The following AR variants were observed in gnomAD, a reference collection of about 807,000 sequenced individuals.
The protein encoded by AR is androgen receptor.
A neutral mutation model predicts 53.9 loss-of-function variants in AR; 8 were observed. The ratio of observed to expected loss-of-function variants is 0.15; its 90% CI spans 0.09 to 0.27. The LOEUF (loss-of-function observed/expected upper bound fraction) is 0.27. Among genes scored for constraint, AR ranks in the 10% least tolerant of loss-of-function variants. The probability of loss-of-function intolerance (pLI) is 1.00; values close to 1 mark genes in which losing one functional copy is unlikely to be tolerated. For missense variants in AR, 639 were observed against 742.5 expected (o/e 0.86, Z 1.62); for synonymous variants, 359 against 316.4 (o/e 1.13, Z -1.43).
rs750399558 is a variant in AR at position 67,659,212 on chromosome X, A to G, written c.1768+15805A>G. On this transcript the variant is annotated intron_variant, in intron 2 of 7. Coordinates refer to ENST00000374690, the MANE Select transcript of AR (RefSeq NM_000044.6). The stretch of plus-strand genomic sequence containing the variant: ...AGTTCCTTGTCCTCATTGAGACTCA[A>G]TTTCTCTTACTTTTTTTTTTATACT... 1.5e-3 allele frequency among the ~76,000 whole-genome samples: 165 copies of G among 110,034 alleles called. 1 individual carries two copies. The highest frequency in any genetic ancestry group is 5.3e-3 in the African/African-American group (160 of 30,118).
rs1927147831 is a variant in AR, at chrX:67,664,560, T to G, written c.1768+21153T>G. On this transcript the variant is annotated intron_variant, in intron 2 of 7. Transcript: ENST00000374690. ...TGCCTCCCAGTTAGGCTACTCGGGGTTCAGGGAACCACTTGAGGAGGCAGT... is the reference window on the plus strand; with the variant it reads ...TGCCTCCCAGTTAGGCTACTCGGGGGTCAGGGAACCACTTGAGGAGGCAGT... Among the ~76,000 whole-genome samples, 9 of 111,793 alleles carry G rather than the reference T, an allele frequency of 8.1e-5. No homozygotes were observed. In the South Asian group the frequency reaches 3.4e-3, roughly 42 times the overall value.
chrX:67,637,538 C>T (rs1056237961), intron 1 of AR, among the ~76,000 whole-genome samples: 11 of 108,353 alleles, frequency 1.0e-4, no homozygotes, highest in South Asian at 4.2e-4. Flanking sequence ...TAGTATTCCA[C>T]GGTGTATATG....
At chrX:67,594,554 A>C (rs1489117409) in intron 1 of AR, among the ~76,000 whole-genome samples, 3 of 112,271 alleles carry the variant, frequency 2.7e-5, no homozygotes, top group Non-Finnish European at 3.8e-5. Context: ...AAAATTTACT[A>C]TACAAATTTT....
intron 2 of AR, among the ~76,000 whole-genome samples, chrX:67,650,075 G>A (rs1926260852): frequency 8.9e-6 from 1 of 111,915 alleles, no homozygotes; most frequent in Admixed American, 9.5e-5. Context: ...CAAACAAAAG[G>A]AGAAACATTC....
At position 67,690,587 on chromosome X, in the gene AR, C is replaced by T. The variant is rs770979388; in HGVS notation, c.1885+4461C>T. Among the ~76,000 whole-genome samples the T allele has an allele frequency of 4.5e-5, 5 of 112,110 alleles. No individual in the cohort carries two copies. The South Asian group carries it at 1.1e-3, about 25-fold the overall frequency. On this transcript the variant is annotated intron_variant, in intron 3 of 7. Coordinates refer to ENST00000374690, the MANE Select transcript of AR (RefSeq NM_000044.6). Reference sequence around the variant, plus strand: ...TCCTTCCAGCCAGCCAAGAAGTTCACGCTTTCATCTTTTCATCCATTTACT... The same window carrying T: ...TCCTTCCAGCCAGCCAAGAAGTTCATGCTTTCATCTTTTCATCCATTTACT...
intron 1 of AR, among the ~76,000 whole-genome samples, chrX:67,607,665 G>A (rs1923692186): frequency 8.9e-6 from 1 of 112,074 alleles, no homozygotes; most frequent in Non-Finnish European, 1.9e-5. Context: ...TTTAAAGTGT[G>A]ATTCAAATGT....
chrX:67,580,523 G>A (rs1342297363), intron 1 of AR, among the ~76,000 whole-genome samples: 3 of 111,303 alleles, frequency 2.7e-5, no homozygotes, highest in East Asian at 2.8e-4. Flanking sequence ...AAAGTTGTTC[G>A]CTAGTTACTC....
intron 2 of AR, among the ~76,000 whole-genome samples, chrX:67,652,428 C>G (rs953045021): frequency 8.9e-6 from 1 of 112,148 alleles, no homozygotes; most frequent in Non-Finnish European, 1.9e-5. Context: ...GTGTTCAAAA[C>G]TGCAGTATCT....
chrX:67,657,152 AT>A (rs758331663), intron 2 of AR, among the ~76,000 whole-genome samples: 31 of 111,284 alleles, frequency 2.8e-4, no homozygotes, highest in African/African-American at 9.8e-4. Flanking sequence ...AATTTATTTC[AT>A]TTTTTATTCC....
At chrX:67,562,777 C>CA (rs1188926991) in intron 1 of AR, among the ~76,000 whole-genome samples, 1 of 111,357 alleles carries the variant, frequency 9.0e-6, no homozygotes, top group African/African-American at 3.3e-5. Flanking sequence ...CTAGCACGGC[C>CA]ACATAACATA....
At chrX:67,678,559 G>T (rs2075914346) in intron 2 of AR, among the ~76,000 whole-genome samples, 1 of 111,629 alleles carries the variant, frequency 9.0e-6, no homozygotes, top group Non-Finnish European at 1.9e-5. Flanking sequence ...AGGTTCAGGG[G>T]TTCATGTGCA....
intron 1 of AR, among the ~76,000 whole-genome samples, chrX:67,558,348 A>G (rs1294200135): frequency 8.9e-6 from 1 of 112,210 alleles, no homozygotes; most frequent in Non-Finnish European, 1.9e-5. Context: ...AACTTTAGGA[A>G]GCAGGCCTAG....
intron 1 of AR, among the ~76,000 whole-genome samples, chrX:67,588,241 A>C (rs1030336576): frequency 8.9e-6 from 1 of 112,058 alleles, no homozygotes; most frequent in Non-Finnish European, 1.9e-5. Flanking sequence ...GGGTGAGTAG[A>C]CCAGGCTCAG....
At chrX:67,607,638 G>T (rs1923690829) in intron 1 of AR, among the ~76,000 whole-genome samples, 1 of 112,045 alleles carries the variant, frequency 8.9e-6, no homozygotes, top group Non-Finnish European at 1.9e-5. Context: ...TGGGATAATG[G>T]ATTTGTAAGC....
Position 67,566,134 on chromosome X carries a change from A to T in AR, c.1616+19372A>T, listed in dbSNP as rs773063369. On this transcript the variant is annotated intron_variant, in intron 1 of 7. Coordinates refer to ENST00000374690, the MANE Select transcript of AR (RefSeq NM_000044.6). The stretch of plus-strand genomic sequence containing the variant: ...AAGATTTGTTTTATCACTTGTGAAA[A>T]TTTTTTTTCATTCTTAGCAATGTCA... 8.0e-5 allele frequency among the ~76,000 whole-genome samples: 9 copies of T among 111,964 alleles called. No individual in the cohort carries two copies. In the South Asian group the frequency reaches 3.3e-3, roughly 41 times the overall value.
intron 2 of AR, among the ~76,000 whole-genome samples, chrX:67,667,217 T>G (rs1475725928): frequency 8.9e-6 from 1 of 112,007 alleles, no homozygotes; most frequent in African/African-American, 3.2e-5. Flanking sequence ...CTTTAATATG[T>G]TTTGATTTTA....
At chrX:67,659,096 T>C (rs927070857) in intron 2 of AR, among the ~76,000 whole-genome samples, 17 of 110,981 alleles carry the variant, frequency 1.5e-4, no homozygotes, top group African/African-American at 4.6e-4. Flanking sequence ...AAAGGCCTCC[T>C]ATGTTAGAAT....
intron 1 of AR, among the ~76,000 whole-genome samples, chrX:67,592,769 G>C (rs1041901222): frequency 9.1e-6 from 1 of 109,757 alleles, no homozygotes; most frequent in African/African-American, 3.3e-5. Flanking sequence ...AGAACTTCAA[G>C]CATATCCTAA....
At chrX:67,562,130 C>A (rs184243455) in intron 1 of AR, among the ~76,000 whole-genome samples, 23 of 107,164 alleles carry the variant, frequency 2.1e-4, no homozygotes, top group Admixed American at 1.2e-3. Context: ...TTATTTATTT[C>A]TTTATTTATT....
Sources: gnomAD v4.1 joint callset for allele counts (sites outside exome capture counted in the v4.1 genomes callset) on GRCh38, gnomAD v4.1.1 for gene constraint, MANE v1.5 for transcripts, NCBI Gene and HGNC (gene_info 2026-07-23, HGNC 2026-07-21) for gene names.